NME7: variants seen among roughly 807,000 people sequenced by gnomAD.
NME7 encodes NME/NM23 family member 7, also known as nucleoside diphosphate kinase 7.
Under a neutral mutation model 49.1 loss-of-function variants are expected in NME7, and 41 were observed. The observed-to-expected ratio is 0.83, with a 90% CI of 0.65 to 1.08. The LOEUF (loss-of-function observed/expected upper bound fraction) is 1.08, where lower values mean the gene tolerates loss of function less well. Ranked by LOEUF, NME7 falls within the 50% of genes least tolerant of loss-of-function variation. The pLI, the probability that NME7 is intolerant of heterozygous loss-of-function variation, is 0.00. For synonymous variants in NME7, 139 were observed against 150.6 expected, an observed-to-expected ratio of 0.92 and a Z score of 0.56; for missense variants, 423 against 463.4, an observed-to-expected ratio of 0.91 and a Z score of 0.80.
intron 10 of NME7, among the ~76,000 whole-genome samples, chr1:169,199,166 G>A (rs775231751): frequency 9.9e-5 from 15 of 151,960 alleles, no homozygotes; most frequent in Non-Finnish European, 1.9e-4. Flanking sequence ...GTTTAAGAGT[G>A]CAGAGTATCA....
At chr1:169,357,630 T>C (rs972396686) in intron 1 of NME7, among the ~76,000 whole-genome samples, 23 of 152,066 alleles carry the variant, frequency 1.5e-4, no homozygotes, top group African/African-American at 5.6e-4. Flanking sequence ...CTTTTAGAGA[T>C]CTCAGTGCAT....
intron 10 of NME7, among the ~76,000 whole-genome samples, chr1:169,209,125 A>G (rs1231353818): frequency 2.0e-5 from 3 of 152,112 alleles, no homozygotes; most frequent in African/African-American, 4.8e-5. Context: ...AAGGAGCAGC[A>G]TAAGACCTCA....
chr1:169,136,228 C>T (rs1273247394), intron 11 of NME7, among the ~76,000 whole-genome samples: 2 of 152,128 alleles, frequency 1.3e-5, no homozygotes, highest in East Asian at 3.8e-4. Flanking sequence ...TGATAAGGAG[C>T]AGGGGTTCTG....
At chr1:169,172,055 T>C (rs1659612239) in intron 10 of NME7, among the ~76,000 whole-genome samples, 1 of 152,092 alleles carries the variant, frequency 6.6e-6, no homozygotes, top group Non-Finnish European at 1.5e-5. Context: ...GTGAAGGCGC[T>C]GATTTACTCT....
intron 1 of NME7, among the ~76,000 whole-genome samples, chr1:169,349,342 C>T (rs1398424630): frequency 6.6e-6 from 1 of 152,090 alleles, no homozygotes; most frequent in Non-Finnish European, 1.5e-5. Context: ...TAAAAGAGGA[C>T]CCAATCTGGG....
chr1:169,258,968 A>T (rs1226080267), intron 7 of NME7, among the ~76,000 whole-genome samples: 2 of 133,878 alleles, frequency 1.5e-5, no homozygotes, highest in African/African-American at 2.5e-5. Context: ...GATGCACACT[A>T]ACGTTTCAGA....
chr1:169,344,859 C>T (rs571117715), intron 1 of NME7, among the ~76,000 whole-genome samples: 157 of 152,228 alleles, frequency 1.0e-3, no homozygotes, highest in African/African-American at 3.4e-3. Context: ...ATACTGGCTT[C>T]GCTGAGTGAG....
At chr1:169,250,975 A>G (rs1373635462) in intron 7 of NME7, among the ~76,000 whole-genome samples, 2 of 152,026 alleles carry the variant, frequency 1.3e-5, no homozygotes, top group East Asian at 3.8e-4. Context: ...TGTTCGGCAA[A>G]TATTTGTCAG....
In NME7 at chr1:169,250,589, A is replaced by AT. The variant is rs372016451; in HGVS notation, c.755-12903dup. 5.7e-4 allele frequency among the ~76,000 whole-genome samples: 87 copies of AT among 152,022 alleles called. 1 individual carries two copies. Among genetic ancestry groups the AT allele is most frequent in the African/African-American group, 1.9e-3 (78 of 41,504 alleles). On this transcript the variant is annotated intron_variant, in intron 7 of 11. Transcript: ENST00000367811. ...AGGTTGTCAATTTATCATCTTTCAG[A>AT]TTTTTTAATGTAGGTATTTAGCACT...
At chr1:169,232,785 A>G (rs1395725124) in intron 9 of NME7, among the ~76,000 whole-genome samples, 1 of 152,128 alleles carries the variant, frequency 6.6e-6, no homozygotes, top group Non-Finnish European at 1.5e-5. Context: ...GCAGAAGGAA[A>G]AAAATGCCAG....
intron 7 of NME7, among the ~76,000 whole-genome samples, chr1:169,253,712 C>A (rs1478376321): frequency 1.3e-5 from 2 of 152,126 alleles, no homozygotes; most frequent in East Asian, 3.9e-4. Flanking sequence ...TCATAGATAG[C>A]TCTTATTATT....
chr1:169,178,894 C>T (rs1304818921), intron 10 of NME7, among the ~76,000 whole-genome samples: 1 of 147,534 alleles, frequency 6.8e-6, no homozygotes, highest in Admixed American at 6.9e-5. Flanking sequence ...AATCTCAGCT[C>T]ACTGCAACCT....
chr1:169,221,679 ATATT>A (rs1462176156), intron 10 of NME7, among the ~76,000 whole-genome samples: 1 of 151,330 alleles, frequency 6.6e-6, no homozygotes, highest in East Asian at 1.9e-4. Flanking sequence ...ATATATAAAT[ATATT>A]TATATATATT....
intron 1 of NME7, among the ~76,000 whole-genome samples, chr1:169,352,398 C>A (rs1246814608): frequency 6.6e-6 from 1 of 151,692 alleles, no homozygotes; most frequent in African/African-American, 2.4e-5. Flanking sequence ...TTAAAAACAT[C>A]AAAAAATTGG....
At chr1:169,259,328 C>T (rs183368068) in intron 7 of NME7, among the ~76,000 whole-genome samples, 4 of 133,208 alleles carry the variant, frequency 3.0e-5, no homozygotes, top group Non-Finnish European at 7.1e-5. Flanking sequence ...CATATGAATT[C>T]TTGAAATATG....
At position 169,253,442 on chromosome 1, in the gene NME7, T is replaced by A. The variant is rs1245385377; in HGVS notation, c.755-15755A>T. ...CCTGAGACTTTGCTGAAGTTGCTTA[T>A]CAGCTTAAGGAGATTTTGGGCTGAG... On this transcript the variant is annotated intron_variant, in intron 7 of 11. Transcript: ENST00000367811. Among the ~76,000 whole-genome samples, 4 of 152,072 alleles carry A rather than the reference T, an allele frequency of 2.6e-5. No individual in the cohort carries two copies. In the East Asian group the frequency reaches 7.7e-4, roughly 29 times the overall value.
intron 7 of NME7, among the ~76,000 whole-genome samples, chr1:169,243,741 G>A (rs1449136660): frequency 6.6e-6 from 1 of 152,140 alleles, no homozygotes; most frequent in Non-Finnish European, 1.5e-5. Context: ...TCCCACTATG[G>A]AGAACTGTGG....
chr1:169,279,203 C>G (rs1453929737), intron 7 of NME7, among the ~76,000 whole-genome samples: 1 of 152,224 alleles, frequency 6.6e-6, no homozygotes, highest in Non-Finnish European at 1.5e-5. Context: ...GGGAGAACCA[C>G]TGCTCTCTTC....
At chr1:169,181,377 ACACACAC>A (rs1571270225) in intron 10 of NME7, among the ~76,000 whole-genome samples, 5 of 151,346 alleles carry the variant, frequency 3.3e-5, no homozygotes, top group South Asian at 4.2e-4. Context: ...ACACACACAC[ACACACAC>A]ACACACACAC....
Sources: gnomAD v4.1 joint callset for allele counts (sites outside exome capture counted in the v4.1 genomes callset) on GRCh38, gnomAD v4.1.1 for gene constraint, MANE v1.5 for transcripts, NCBI Gene and HGNC (gene_info 2026-07-23, HGNC 2026-07-21) for gene names.